AGPAT3: variants seen among roughly 807,000 people sequenced by gnomAD.
AGPAT3 encodes 1-acyl-sn-glycerol-3-phosphate acyltransferase gamma.
Under a neutral mutation model 47.3 loss-of-function variants are expected in AGPAT3, and 5 were observed. The ratio of observed to expected loss-of-function variants is 0.11; its 90% CI spans 0.06 to 0.22. The LOEUF (loss-of-function observed/expected upper bound fraction) is 0.22, where lower values mean the gene tolerates loss of function less well. Among genes scored for constraint, AGPAT3 ranks in the 10% least tolerant of loss-of-function variants. AGPAT3 has a pLI of 1.00. For missense variants in AGPAT3, 315 were observed against 493.0 expected, an observed-to-expected ratio of 0.64 and a Z score of 3.42; for synonymous variants, 212 against 208.3, an observed-to-expected ratio of 1.02 and a Z score of -0.15.
chr21:43,898,671 C>T (rs994377733), intron 1 of AGPAT3, among the ~76,000 whole-genome samples: 7 of 152,120 alleles, frequency 4.6e-5, no homozygotes, highest in Non-Finnish European at 7.3e-5. Flanking sequence ...GGATTACAGG[C>T]ACCCACCATC....
At chr21:43,904,428 G>A (rs893128837) in intron 2 of AGPAT3, among the ~76,000 whole-genome samples, 3 of 152,184 alleles carry the variant, frequency 2.0e-5, no homozygotes, top group Non-Finnish European at 2.9e-5. Flanking sequence ...CCGACTGGGA[G>A]CCGTCTGTCT....
In AGPAT3 at chr21:43,952,537, T is replaced by C. The variant is rs1278618020; in HGVS notation, c.-48-7097T>C. On this transcript the variant is annotated intron_variant, in intron 2 of 9. Coordinates refer to ENST00000291572, the MANE Select transcript of AGPAT3 (RefSeq NM_020132.5). This position sits in a 1 kb window ranked among gnomAD's most constrained non-coding sequence, Gnocchi z 5.6. ...TCGTGCCTCACCTTTGCTCCCCTGA[T>C]CTAAGAAGGTGCACACCCCGGTAGC... Among the ~76,000 whole-genome samples the C allele has an allele frequency of 6.6e-6, 1 of 152,084 alleles. No homozygotes were observed. The highest frequency in any genetic ancestry group is 1.5e-5 in the Non-Finnish European group (1 of 68,018).
intron 1 of AGPAT3, among the ~76,000 whole-genome samples, chr21:43,903,602 C>T (rs558840403): frequency 2.8e-4 from 42 of 152,170 alleles, no homozygotes; most frequent in Admixed American, 9.2e-4. Flanking sequence ...CTGTGGCATC[C>T]GGAGGGGCCC....
chr21:43,905,490 G>A (rs187877344), intron 2 of AGPAT3, among the ~76,000 whole-genome samples: 9 of 152,222 alleles, frequency 5.9e-5, no homozygotes, highest in Admixed American at 2.6e-4. Context: ...GCCCGGCCTA[G>A]TGTCTCTTTA....
chr21:43,924,841 GGCGTGTGGGAATGT>G (rs1370034011), intron 2 of AGPAT3, among the ~76,000 whole-genome samples: 6 of 152,248 alleles, frequency 3.9e-5, no homozygotes, highest in African/African-American at 1.4e-4. Flanking sequence ...GTGTTGGAGA[GGCGTGTGGGAATGT>G]GCGTTTTGGG....
chr21:43,868,888 C>T (rs1402631273), intron 1 of AGPAT3, among the ~76,000 whole-genome samples: 30 of 152,282 alleles, frequency 2.0e-4, no homozygotes, highest in East Asian at 3.9e-4. Flanking sequence ...GGAAGTGTGG[C>T]CAGCGTCTCA....
intron 1 of AGPAT3, among the ~76,000 whole-genome samples, chr21:43,890,199 C>G (rs1370241710): frequency 6.6e-6 from 1 of 152,094 alleles, no homozygotes; most frequent in Non-Finnish European, 1.5e-5. Flanking sequence ...ATAGAGTTGT[C>G]GTGAGATCTG....
intron 2 of AGPAT3, among the ~76,000 whole-genome samples, chr21:43,959,049 TTGTGGTATGGTA>T (rs2088661885): frequency 7.8e-6 from 1 of 128,814 alleles, no homozygotes. Context: ...TGTGTGTGGT[TTGTGGTATGGTA>T]TGCGTGGTGT....
intron 2 of AGPAT3, among the ~76,000 whole-genome samples, chr21:43,956,202 A>G (rs1251240726): frequency 6.6e-6 from 1 of 152,176 alleles, no homozygotes; most frequent in African/African-American, 2.4e-5. Context: ...CTAGCTCAAG[A>G]AAGGCGTTCT....
chr21:43,901,320 TAAAAAAAAA>T (rs34649071), intron 1 of AGPAT3, among the ~76,000 whole-genome samples: 1 of 129,042 alleles, frequency 7.7e-6, no homozygotes, highest in Non-Finnish European at 1.6e-5. Flanking sequence ...GAAACTCTGT[TAAAAAAAAA>T]AAAAAAAAAA....
intron 2 of AGPAT3, chr21:43,948,246 T>G (rs1301924509): frequency 1.3e-5 from 2 of 152,300 alleles, no homozygotes; most frequent in Non-Finnish European, 2.9e-5. Flanking sequence ...TCTTCTGTCC[T>G]CACGCCTATG....
chr21:43,945,688 C>T (rs768979487), intron 2 of AGPAT3, among the ~76,000 whole-genome samples: 3 of 152,190 alleles, frequency 2.0e-5, no homozygotes, highest in Admixed American at 6.5e-5. Flanking sequence ...GGTGGCTGTT[C>T]TGAAACCTAC....
intron 1 of AGPAT3, among the ~76,000 whole-genome samples, chr21:43,888,348 C>A (rs369271636): frequency 3.2e-4 from 48 of 152,210 alleles, no homozygotes; most frequent in Non-Finnish European, 5.0e-4. Flanking sequence ...CTTGGTTTTA[C>A]TTTTTAACAT....
In AGPAT3 at chr21:43,982,431, G is replaced by A. The variant is rs1298318857; in HGVS notation, c.*39G>A. On this transcript the variant is annotated 3_prime_UTR_variant, in exon 10 of 10. Coordinates refer to ENST00000291572, the MANE Select transcript of AGPAT3 (RefSeq NM_020132.5). The surrounding 1 kb of genome is among the most constrained non-coding windows in gnomAD (Gnocchi z 6.2). ...CTGAACACACGCGGCCCTGACGGTG[G>A]TATCCAGTTAACTCAAAACCAACAC... The A allele has an allele frequency of 6.7e-7, 1 of 1,484,010 alleles. No individual in the cohort carries two copies. Among genetic ancestry groups the A allele is most frequent in the South Asian group, 1.1e-5 (1 of 87,450 alleles). 91.9% of individuals were successfully genotyped at this position (1,484,010 alleles called of 1,614,324 possible). A position where few individuals can be genotyped will look rare whatever the true frequency, so the allele number is the denominator to read the frequency against.
At chr21:43,910,763 G>T (rs1157896038) in intron 2 of AGPAT3, among the ~76,000 whole-genome samples, 1 of 152,194 alleles carries the variant, frequency 6.6e-6, no homozygotes, top group Non-Finnish European at 1.5e-5. Flanking sequence ...GCTGTGTCTC[G>T]TGAAGTCAGG....
rs1296915081 is a variant in AGPAT3, at chr21:43,908,562, T to C, written c.-49+4543T>C. The stretch of plus-strand genomic sequence containing the variant: ...CTTGCATAGACAGAAGGTGAGGGCA[T>C]GGGGTAGGGGGAGTGGAGCCGTGGG... On this transcript the variant is annotated intron_variant, in intron 2 of 9. Transcript: ENST00000291572. The surrounding 1 kb of genome is among the most constrained non-coding windows in gnomAD (Gnocchi z 4.9). Among the ~76,000 whole-genome samples the C allele has an allele frequency of 6.6e-6, 1 of 151,946 alleles. No homozygotes were observed. Among genetic ancestry groups the C allele is most frequent in the East Asian group, 1.9e-4 (1 of 5,184 alleles).
At position 43,952,156 on chromosome 21, in the gene AGPAT3, C is replaced by T. The variant is rs565661589; in HGVS notation, c.-48-7478C>T. 1.8e-4 allele frequency among the ~76,000 whole-genome samples: 27 copies of T among 152,194 alleles called. No individual in the cohort carries two copies. Among genetic ancestry groups the T allele is most frequent in the African/African-American group, 5.8e-4 (24 of 41,536 alleles). On this transcript the variant is annotated intron_variant, in intron 2 of 9. Coordinates refer to ENST00000291572, the MANE Select transcript of AGPAT3 (RefSeq NM_020132.5). The surrounding 1 kb of genome is among the most constrained non-coding windows in gnomAD (Gnocchi z 5.6). Reference sequence around the variant, plus strand: ...GTGCGATTGGGCTGTGTGACGGCACCAGAGGCGGGGCTGCAGCTGCAGGCT... The same window carrying T: ...GTGCGATTGGGCTGTGTGACGGCACTAGAGGCGGGGCTGCAGCTGCAGGCT...
At chr21:43,963,902 C>T (rs2089000809) in intron 3 of AGPAT3, among the ~76,000 whole-genome samples, 2 of 151,648 alleles carry the variant, frequency 1.3e-5, no homozygotes, top group South Asian at 2.1e-4. Flanking sequence ...TTCAAGAGTA[C>T]AAATAAAATA....
chr21:43,884,657 GGGGTGGCCTGGTGCTGGATGCT>G (rs1569044950), intron 1 of AGPAT3, among the ~76,000 whole-genome samples: 2 of 151,828 alleles, frequency 1.3e-5, no homozygotes, highest in African/African-American at 2.4e-5. Flanking sequence ...ACTGGATGCT[GGGGTGGCCTGGTGCTGGATGCT>G]GGGTGGCCTG....
Sources: allele counts gnomAD v4.1 joint callset (sites outside exome capture counted in the v4.1 genomes callset), GRCh38; gene constraint gnomAD v4.1.1; non-coding constraint Gnocchi (gnomAD v3.1); transcripts MANE v1.5; gene names NCBI Gene and HGNC (gene_info 2026-07-23, HGNC 2026-07-21).